The following ITGBL1 variants were observed in gnomAD, a reference collection of about 807,000 sequenced individuals.
The protein encoded by ITGBL1 is integrin subunit beta like 1.
A neutral mutation model predicts 68.5 loss-of-function variants in ITGBL1; 51 were observed. That is an observed-to-expected ratio of 0.74 (90% CI 0.59 to 0.94). ITGBL1 has a LOEUF of 0.94. Among genes scored for constraint, ITGBL1 ranks in the 40% least tolerant of loss-of-function variants. The pLI, the probability that ITGBL1 is intolerant of heterozygous loss-of-function variation, is 0.00. For missense variants in ITGBL1, 649 were observed against 647.4 expected (o/e 1.00, Z -0.03); for synonymous variants, 209 against 227.3 (o/e 0.92, Z 0.72).
chr13:101,508,216 T>C (rs2049056420), intron 2 of ITGBL1, among the ~76,000 whole-genome samples: 1 of 152,216 alleles, frequency 6.6e-6, no homozygotes. Flanking sequence ...GAACTTTGTC[T>C]TTCAATACTG....
chr13:101,547,100 G>A (rs1260992535), intron 2 of ITGBL1, among the ~76,000 whole-genome samples: 1 of 151,570 alleles, frequency 6.6e-6, no homozygotes, highest in African/African-American at 2.4e-5. Context: ...CAAAAATAAT[G>A]AAAATCCTGA....
chr13:101,535,048 G>A (rs890234297), intron 2 of ITGBL1, among the ~76,000 whole-genome samples: 6 of 152,018 alleles, frequency 3.9e-5, no homozygotes, highest in African/African-American at 1.4e-4. Flanking sequence ...CAGTATCTTC[G>A]TCAGAAGCAT....
chr13:101,462,983 T>TCA (rs751300032), intron 2 of ITGBL1, among the ~76,000 whole-genome samples: 43 of 152,198 alleles, frequency 2.8e-4, no homozygotes, highest in Non-Finnish European at 5.6e-4. Context: ...CCTGACATTG[T>TCA]CACTTGCCCA....
intron 3 of ITGBL1, among the ~76,000 whole-genome samples, chr13:101,570,835 G>T (rs1382808633): frequency 2.0e-5 from 3 of 152,150 alleles, no homozygotes; most frequent in Non-Finnish European, 4.4e-5. Flanking sequence ...ACATTTATAA[G>T]AAATAACTTA....
At chr13:101,566,318 G>T (rs1005610792) in intron 2 of ITGBL1, among the ~76,000 whole-genome samples, 1 of 152,036 alleles carries the variant, frequency 6.6e-6, no homozygotes, top group Admixed American at 6.6e-5. Context: ...TTATAAATAG[G>T]CTAGGTGGTT....
chr13:101,596,562 T>G (rs1354441348), intron 6 of ITGBL1, among the ~76,000 whole-genome samples: 1 of 152,178 alleles, frequency 6.6e-6, no homozygotes, highest in East Asian at 1.9e-4. Flanking sequence ...ATCTACAATT[T>G]TTTGGTCACT....
chr13:101,565,842 G>A (rs1392021224), intron 2 of ITGBL1, among the ~76,000 whole-genome samples: 2 of 152,008 alleles, frequency 1.3e-5, no homozygotes, highest in Non-Finnish European at 2.9e-5. Context: ...AAGCAACTTA[G>A]AATATTGCTT....
intron 7 of ITGBL1, among the ~76,000 whole-genome samples, chr13:101,629,873 A>T (rs2031917723): frequency 6.6e-6 from 1 of 152,072 alleles, no homozygotes; most frequent in Non-Finnish European, 1.5e-5. Flanking sequence ...CCCAGGCTGG[A>T]GTGCAGTGAC....
chr13:101,605,770 G>A (rs1327688115), intron 7 of ITGBL1, among the ~76,000 whole-genome samples: 1 of 94,934 alleles, frequency 1.1e-5, no homozygotes, highest in Non-Finnish European at 2.1e-5. Context: ...GTGTACACGT[G>A]TGTAGGCATA....
Position 101,515,877 on chromosome 13 carries a change from A to G in ITGBL1, c.317-51822A>G, listed in dbSNP as rs539466472. Among the ~76,000 whole-genome samples, 4 of 152,214 alleles carry G rather than the reference A, an allele frequency of 2.6e-5. No individual in the cohort carries two copies. In the South Asian group the frequency reaches 6.2e-4, roughly 24 times the overall value. ...GCATTTAACCATTCTACCTTTTTCA[A>G]TTGCTTTTCTTCTAGAACACATTAC... On this transcript the variant is annotated intron_variant, in intron 2 of 10. Transcript: ENST00000376180.
chr13:101,517,450 A>G (rs1290641763), intron 2 of ITGBL1, among the ~76,000 whole-genome samples: 1 of 152,178 alleles, frequency 6.6e-6, no homozygotes, highest in African/African-American at 2.4e-5. Flanking sequence ...CCTAATACTC[A>G]GGTTGCATCA....
chr13:101,679,556 A>G (rs2033591501), intron 7 of ITGBL1, among the ~76,000 whole-genome samples: 6 of 152,336 alleles, frequency 3.9e-5, no homozygotes, highest in African/African-American at 1.4e-4. Context: ...ACTGGTTAAG[A>G]ACTTCAGCTC....
In ITGBL1 at chr13:101,474,740, T is replaced by C. The variant is rs2048511708; in HGVS notation, c.316+20640T>C. Among the ~76,000 whole-genome samples, 3 of 152,048 alleles carry C rather than the reference T, an allele frequency of 2.0e-5. No homozygotes were observed. In the South Asian group the frequency reaches 6.2e-4, roughly 32 times the overall value. ...ATCAGTGTGAAAAGAGAGACTACAT[T>C]TGTTTGGAGGAAAGTAAGGGAAGAG... is the stretch of plus-strand genomic sequence containing the variant. On this transcript the variant is annotated intron_variant, in intron 2 of 10. Transcript: ENST00000376180.
intron 7 of ITGBL1, among the ~76,000 whole-genome samples, chr13:101,599,042 A>AG (rs1313211209): frequency 4.6e-5 from 7 of 152,364 alleles, no homozygotes; most frequent in Admixed American, 4.6e-4. Context: ...ACTAGTTTAC[A>AG]GTCCCACCAA....
intron 7 of ITGBL1, among the ~76,000 whole-genome samples, chr13:101,631,434 G>T (rs894662934): frequency 2.0e-5 from 3 of 151,676 alleles, no homozygotes; most frequent in African/African-American, 7.3e-5. Flanking sequence ...ATATCTCATA[G>T]TTCTTTAAAT....
chr13:101,516,067 A>C (rs910664486), intron 2 of ITGBL1, among the ~76,000 whole-genome samples: 1 of 152,062 alleles, frequency 6.6e-6, no homozygotes, highest in African/African-American at 2.4e-5. Context: ...TTTTTTATCC[A>C]TTATGTTATT....
intron 2 of ITGBL1, among the ~76,000 whole-genome samples, chr13:101,549,175 CT>C: frequency 6.6e-6 from 1 of 151,726 alleles, no homozygotes; most frequent in Non-Finnish European, 1.5e-5. Context: ...ATTAATGGTC[CT>C]TCAAAAACCT....
chr13:101,524,234 C>A (rs1418111761), intron 2 of ITGBL1, among the ~76,000 whole-genome samples: 1 of 151,166 alleles, frequency 6.6e-6, no homozygotes, highest in Non-Finnish European at 1.5e-5. Context: ...TAGAAATTCT[C>A]TTCATTAGGA....
At chr13:101,710,704 GGCATGAGA>G (rs1218528339) in intron 9 of ITGBL1, 1 of 152,044 alleles carries the variant, frequency 6.6e-6, no homozygotes, top group Non-Finnish European at 1.5e-5. Context: ...CTTAGCAGTG[GGCATGAGA>G]TCGCCATGGC....
Sources: gnomAD v4.1 joint callset for allele counts (sites outside exome capture counted in the v4.1 genomes callset) on GRCh38, gnomAD v4.1.1 for gene constraint, MANE v1.5 for transcripts, NCBI Gene and HGNC (gene_info 2026-07-23, HGNC 2026-07-21) for gene names.